Variants in TMEM232 observed in about 807,000 individuals in gnomAD.
TMEM232 encodes the protein transmembrane protein 232.
A neutral mutation model predicts 78.8 loss-of-function variants in TMEM232; 80 were observed. That is an observed-to-expected ratio of 1.01 (90% confidence interval 0.85 to 1.22). TMEM232 has a LOEUF of 1.22. Among genes scored for constraint, TMEM232 ranks in the 50% most tolerant of loss-of-function variants. The pLI is 0.00. For synonymous variants in TMEM232, 297 were observed against 254.3 expected, an observed-to-expected ratio of 1.17 and a Z score of -1.60; for missense variants, 881 against 742.2, an observed-to-expected ratio of 1.19 and a Z score of -2.17.
chr5:110,402,687 C>A (rs959737119), intron 2 of TMEM232, among the ~76,000 whole-genome samples: 1 of 152,082 alleles, frequency 6.6e-6, no homozygotes, highest in African/African-American at 2.4e-5. Flanking sequence ...CTGCTGATGA[C>A]AAGCAACATC....
chr5:110,618,545 G>A lies in TMEM232; in HGVS notation c.786C>T (p.Asn262=). The change falls in exon 8 of 14, where the codon AAC becomes AAT. Residue 262 remains asparagine (N), a synonymous_variant. Transcript: ENST00000455884. The part of the protein sequence containing the change: ...TDSDMGGYEI[N]HLLWHCVAAW... The stretch of plus-strand genomic sequence containing the variant: ...CAGCAACACAGTGCCAGAGCAGGTG[G>A]TTAATTTCATATCCTCCCTGATTAA... 2.6e-6 allele frequency: 4 copies of A among 1,548,444 alleles called. No homozygotes were observed. Among genetic ancestry groups the A allele is most frequent in the Non-Finnish European group, 3.5e-6 (4 of 1,146,066 alleles).
intron 2 of TMEM232, among the ~76,000 whole-genome samples, chr5:110,656,213 C>T (rs1437492309): frequency 6.6e-6 from 1 of 152,114 alleles, no homozygotes; most frequent in African/African-American, 2.4e-5. Flanking sequence ...CCCCAATCAA[C>T]GTTTGCCAAA....
At chr5:110,559,559 T>A (rs569986183) in intron 11 of TMEM232, among the ~76,000 whole-genome samples, 7 of 152,282 alleles carry the variant, frequency 4.6e-5, no homozygotes, top group South Asian at 4.1e-4. Flanking sequence ...AAATGGCCGA[T>A]AAGCAAACAA....
At chr5:110,642,582 A>G (rs1786894362) in intron 2 of TMEM232, among the ~76,000 whole-genome samples, 1 of 152,110 alleles carries the variant, frequency 6.6e-6, no homozygotes, top group South Asian at 2.1e-4. Context: ...CATAATTCCC[A>G]TTGTCAAAGA....
intron 10 of TMEM232, among the ~76,000 whole-genome samples, chr5:110,581,715 G>C (rs1778227429): frequency 6.6e-6 from 1 of 151,558 alleles, no homozygotes; most frequent in Non-Finnish European, 1.5e-5. Flanking sequence ...CATCAACAGA[G>C]TAAACAGACA....
chr5:110,669,278 T>C (rs927200857), intron 1 of TMEM232, among the ~76,000 whole-genome samples: 1 of 151,932 alleles, frequency 6.6e-6, no homozygotes, highest in Non-Finnish European at 1.5e-5. Flanking sequence ...ATAGATGCAA[T>C]AAAAAATGAT....
intron 11 of TMEM232, among the ~76,000 whole-genome samples, chr5:110,565,938 T>C (rs1435161150): frequency 6.6e-6 from 1 of 151,974 alleles, no homozygotes; most frequent in African/African-American, 2.4e-5. Flanking sequence ...TAGAAAATCA[T>C]TTATTGCACT....
At chr5:110,397,515 T>C (rs112126216) in intron 3 of TMEM232, among the ~76,000 whole-genome samples, 31 of 152,286 alleles carry the variant, frequency 2.0e-4, no homozygotes, top group African/African-American at 7.5e-4. Context: ...ATAATTGCCT[T>C]GAGTCATTCT....
chr5:110,697,542 C>G (rs988102024), intron 1 of TMEM232, among the ~76,000 whole-genome samples: 2 of 152,114 alleles, frequency 1.3e-5, no homozygotes, highest in African/African-American at 4.8e-5. Flanking sequence ...TTTTTACAAT[C>G]TACTCATCTG....
intron 12 of TMEM232, among the ~76,000 whole-genome samples, chr5:110,491,948 T>C (rs887385152): frequency 6.6e-6 from 1 of 151,766 alleles, no homozygotes; most frequent in East Asian, 1.9e-4. Flanking sequence ...CTAAACAAAA[T>C]AGACAAATTA....
intron 10 of TMEM232, among the ~76,000 whole-genome samples, chr5:110,599,156 AG>A (rs1317539720): frequency 6.6e-6 from 1 of 152,094 alleles, no homozygotes; most frequent in Non-Finnish European, 1.5e-5. Context: ...GCCTTACAAG[AG>A]CTCCTGAAAG....
intron 11 of TMEM232, among the ~76,000 whole-genome samples, chr5:110,529,107 C>T (rs551362565): frequency 3.2e-4 from 48 of 151,904 alleles, no homozygotes; most frequent in African/African-American, 3.4e-4. Flanking sequence ...ATTTGATATA[C>T]GTGCCGTGTA....
chr5:110,476,864 G>A (rs1763312084), intron 12 of TMEM232, among the ~76,000 whole-genome samples: 1 of 151,948 alleles, frequency 6.6e-6, no homozygotes, highest in Non-Finnish European at 1.5e-5. Flanking sequence ...TTTGAAAAAG[G>A]TTACGATTTT....
intron 12 of TMEM232, among the ~76,000 whole-genome samples, chr5:110,445,584 T>C (rs1315201623): frequency 6.6e-6 from 1 of 151,750 alleles, no homozygotes; most frequent in Non-Finnish European, 1.5e-5. Context: ...TACCCCATAA[T>C]TAACAACTTA....
At chr5:110,456,262 A>C (rs1244618546) in intron 12 of TMEM232, among the ~76,000 whole-genome samples, 1 of 152,168 alleles carries the variant, frequency 6.6e-6, no homozygotes, top group Non-Finnish European at 1.5e-5. Flanking sequence ...GTAATTCTAT[A>C]CACTAGCATT....
At chr5:110,516,148 A>C (rs1350280795) in intron 12 of TMEM232, among the ~76,000 whole-genome samples, 1 of 152,100 alleles carries the variant, frequency 6.6e-6, no homozygotes, top group Non-Finnish European at 1.5e-5. Context: ...CTGACGCAGG[A>C]GAACGGCGTG....
intron 12 of TMEM232, among the ~76,000 whole-genome samples, chr5:110,481,807 C>T (rs1278554438): frequency 6.6e-6 from 1 of 152,156 alleles, no homozygotes; most frequent in Non-Finnish European, 1.5e-5. Flanking sequence ...CCACCAAATA[C>T]TGCTAAGCTG....
intron 2 of TMEM232, among the ~76,000 whole-genome samples, chr5:110,664,133 C>T (rs1322140989): frequency 6.6e-6 from 1 of 151,978 alleles, no homozygotes; most frequent in Non-Finnish European, 1.5e-5. Context: ...GAGAAAGACC[C>T]TGTCTGTAAA....
chr5:110,583,969 A>C (rs1178474813), intron 10 of TMEM232, among the ~76,000 whole-genome samples: 5 of 149,290 alleles, frequency 3.3e-5, no homozygotes. Context: ...CTATTATCAA[A>C]AAAAAAAAAA....
Sources: allele counts gnomAD v4.1 joint callset (sites outside exome capture counted in the v4.1 genomes callset), GRCh38; gene constraint gnomAD v4.1.1; transcripts MANE v1.5; gene names NCBI Gene and HGNC (gene_info 2026-07-23, HGNC 2026-07-21).